Variants in EFCAB6 observed in about 807,000 individuals in gnomAD.
The protein encoded by EFCAB6 is EF-hand calcium-binding domain-containing protein 6.
Under a neutral mutation model 169.8 loss-of-function variants are expected in EFCAB6, and 156 were observed. That is an observed-to-expected ratio of 0.92 (90% CI 0.81 to 1.05). The LOEUF is 1.05. EFCAB6 is among the 50% of genes least tolerant of loss of function. EFCAB6 has a pLI of 0.00. For synonymous variants in EFCAB6, 698 were observed against 676.4 expected, an observed-to-expected ratio of 1.03 and a Z score of -0.50; for missense variants, 1,800 against 1,829.1, an observed-to-expected ratio of 0.98 and a Z score of 0.29.
At chr22:43,673,845 A>T (rs188273765) in intron 13 of EFCAB6, among the ~76,000 whole-genome samples, 89 of 152,178 alleles carry the variant, frequency 5.8e-4, no homozygotes, top group African/African-American at 2.1e-3. Flanking sequence ...CAGTATGTTA[A>T]TAAGTGACAA....
intron 2 of EFCAB6, among the ~76,000 whole-genome samples, chr22:43,793,932 G>C (rs917665250): frequency 4.6e-5 from 7 of 151,972 alleles, no homozygotes; most frequent in African/African-American, 1.7e-4. Context: ...TTTAAAAATG[G>C]ATTTTCAAAG....
chr22:43,563,636 C>G (rs1020145313), intron 26 of EFCAB6, among the ~76,000 whole-genome samples: 2 of 152,258 alleles, frequency 1.3e-5, no homozygotes, highest in African/African-American at 4.8e-5. Context: ...ACACAACCCT[C>G]AAGGCATGTG....
At chr22:43,619,188 G>C (rs1453272385) in intron 20 of EFCAB6, among the ~76,000 whole-genome samples, 1 of 152,210 alleles carries the variant, frequency 6.6e-6, no homozygotes, top group Non-Finnish European at 1.5e-5. Context: ...TTACTGTGTA[G>C]TTAAGACTGA....
chr22:43,598,183 G>A (rs545987452), intron 23 of EFCAB6, among the ~76,000 whole-genome samples: 3 of 151,644 alleles, frequency 2.0e-5, no homozygotes, highest in East Asian at 1.9e-4. Context: ...GGTGTGTACC[G>A]GTAGTCCCAG....
intron 17 of EFCAB6, 117 bp downstream of exon 17, chr22:43,666,987 T>C (rs2054343317): frequency 2.4e-6 from 3 of 1,253,184 alleles, no homozygotes; most frequent in African/African-American, 1.5e-5. Context: ...TGTTGAAAGA[T>C]GCCTAGAAAT....
intron 5 of EFCAB6, among the ~76,000 whole-genome samples, chr22:43,761,099 AAAGGGCT>A (rs1280011115): frequency 6.6e-6 from 1 of 152,184 alleles, no homozygotes; most frequent in Non-Finnish European, 1.5e-5. Context: ...TGCCCTTATA[AAAGGGCT>A]TATAGGAGGG....
At chr22:43,605,105 C>T (rs1036289546) in intron 22 of EFCAB6, among the ~76,000 whole-genome samples, 6 of 152,198 alleles carry the variant, frequency 3.9e-5, no homozygotes, top group East Asian at 3.9e-4. Flanking sequence ...CAACACTGAG[C>T]GACACCCTGT....
rs1211730324 is a variant in EFCAB6, at chr22:43,537,802, C to T, written c.3880-257G>A. Reference sequence around the variant, plus strand: ...GCCATGTAGCCAAGGTTCAAATCTACACAGATGAGATGTAAACATATTTCT... The same window carrying T: ...GCCATGTAGCCAAGGTTCAAATCTATACAGATGAGATGTAAACATATTTCT... On this transcript the variant is annotated intron_variant, in intron 28 of 31. Transcript: ENST00000262726. This position sits in a 1 kb window ranked among gnomAD's most constrained non-coding sequence, Gnocchi z 4.3. 2.0e-5 allele frequency among the ~76,000 whole-genome samples: 3 copies of T among 151,844 alleles called. No individual in the cohort carries two copies. The highest frequency in any genetic ancestry group is 7.3e-5 in the African/African-American group (3 of 41,268).
intron 6 of EFCAB6, among the ~76,000 whole-genome samples, chr22:43,739,117 C>A (rs1026420652): frequency 6.6e-6 from 1 of 152,218 alleles, no homozygotes; most frequent in Non-Finnish European, 1.5e-5. Flanking sequence ...AAGATTATCT[C>A]CAATGTGTCC....
chr22:43,576,390 C>T lies in EFCAB6; in HGVS notation c.3327G>A (p.Gln1109=), dbSNP rs867514300. The change falls in exon 26 of 32, where the codon CAG becomes CAA. Residue 1109 remains glutamine, a synonymous_variant. Coordinates refer to ENST00000262726, the MANE Select transcript of EFCAB6 (RefSeq NM_022785.4). ...TTAGTTTCCTCAAAAAATAATGATACTGATTGTCCGTTAGTTTGTAACAGA... is the reference window on the plus strand; with the variant it reads ...TTAGTTTCCTCAAAAAATAATGATATTGATTGTCCGTTAGTTTGTAACAGA... ...KDFCYKLTDN[Q]YHYFLRKLRI... 12 of 1,604,452 alleles carry T rather than the reference C, an allele frequency of 7.5e-6. No homozygotes were observed. The African/African-American group carries it at 9.4e-5, about 13-fold the overall frequency.
chr22:43,721,301 C>T (rs113750574), intron 8 of EFCAB6, among the ~76,000 whole-genome samples: 12,693 of 152,236 alleles, frequency 0.083, 664 homozygotes, highest in South Asian at 0.17. Context: ...GGCCATACTG[C>T]CCAAAGCAAT....
chr22:43,688,693 C>T (rs1465579242), intron 10 of EFCAB6, among the ~76,000 whole-genome samples: 1 of 152,192 alleles, frequency 6.6e-6, no homozygotes, highest in African/African-American at 2.4e-5. Context: ...GGTCAAAAAG[C>T]CTCGGTTGCA....
At chr22:43,591,153 T>C (rs1440114850) in intron 23 of EFCAB6, among the ~76,000 whole-genome samples, 5 of 150,428 alleles carry the variant, frequency 3.3e-5, no homozygotes, top group African/African-American at 4.9e-5. Context: ...TACCAGGCTT[T>C]TTATTGTTAA....
rs545630378 is a variant in EFCAB6 at position 43,741,645 on chromosome 22, C to T, written c.508-5652G>A. 2.6e-5 allele frequency among the ~76,000 whole-genome samples: 4 copies of T among 152,330 alleles called. 1 individual carries two copies. In the South Asian group the frequency reaches 8.3e-4, roughly 32 times the overall value. On this transcript the variant is annotated intron_variant, in intron 6 of 31. Transcript: ENST00000262726. ...TTTGTTTGCTGCCCTATCTTCAGGGCTCAGAATAGTGCCCAGACGCAGCGG... is the reference window on the plus strand; with the variant it reads ...TTTGTTTGCTGCCCTATCTTCAGGGTTCAGAATAGTGCCCAGACGCAGCGG...
rs770811486 is a variant in EFCAB6, at chr22:43,580,586, T to C, written c.3106A>G (p.Thr1036Ala). The C allele has an allele frequency of 6.2e-7, 1 of 1,614,216 alleles. No individual in the cohort carries two copies. Among genetic ancestry groups the C allele is most frequent in the Non-Finnish European group, 8.5e-7 (1 of 1,180,038 alleles). Residue 1036 changes from threonine to alanine, a missense_variant, in exon 25 of 32, where the codon ACA becomes GCA. Physicochemically the swap from Thr to Ala is moderately conservative, Grantham distance 58. Coordinates refer to ENST00000262726, the MANE Select transcript of EFCAB6 (RefSeq NM_022785.4). ...FLRAVENSKS[T>A]GAQPKEKEES... Reference sequence around the variant, plus strand: ...TCTTTTTCCTTGGGCTGAGCTCCTGTTGACTTGCTGTTCTCCACTGCTCTC... The same window carrying C: ...TCTTTTTCCTTGGGCTGAGCTCCTGCTGACTTGCTGTTCTCCACTGCTCTC...
At chr22:43,539,812 A>C (rs1480830281) in intron 28 of EFCAB6, among the ~76,000 whole-genome samples, 2 of 152,218 alleles carry the variant, frequency 1.3e-5, no homozygotes, top group African/African-American at 4.8e-5. Flanking sequence ...TTCTGCACAG[A>C]GTTGCCGGCA....
chr22:43,547,174 C>T (rs538347443), intron 27 of EFCAB6, among the ~76,000 whole-genome samples: 2 of 152,156 alleles, frequency 1.3e-5, no homozygotes, highest in Non-Finnish European at 2.9e-5. Flanking sequence ...TAGGGAAAAT[C>T]GGAGTTAGGG....
intron 26 of EFCAB6, among the ~76,000 whole-genome samples, chr22:43,556,650 C>T (rs976243845): frequency 2.0e-5 from 3 of 152,172 alleles, no homozygotes; most frequent in Non-Finnish European, 4.4e-5. Flanking sequence ...TGTTTTATGA[C>T]AGAGAAGTCT....
rs1262432817 is a variant in EFCAB6, at chr22:43,667,147, C to T, written c.1940G>A (p.Ser647Asn). 5 of 1,613,972 alleles carry T rather than the reference C, an allele frequency of 3.1e-6. No homozygotes were observed. The highest frequency in any genetic ancestry group is 4.2e-6 in the Non-Finnish European group (5 of 1,180,008). The change falls in exon 17 of 32, where the codon AGC becomes AAC. Residue 647 changes from serine to asparagine, a missense_variant. Coordinates refer to ENST00000262726, the MANE Select transcript of EFCAB6 (RefSeq NM_022785.4). ...GTTAATTTTTCCATTAGGCTCCTTG[C>T]TGAAGTCAAGAAATCGTTTTTTGAA... ...PAFKKRFLDFSKEPNGKINVH... is the reference protein window; with the variant it reads ...PAFKKRFLDFNKEPNGKINVH...
Sources: gnomAD v4.1 joint callset for allele counts (sites outside exome capture counted in the v4.1 genomes callset) on GRCh38, gnomAD v4.1.1 for gene constraint, Gnocchi (gnomAD v3.1) non-coding constraint, MANE v1.5 for transcripts, NCBI Gene and HGNC (gene_info 2026-07-23, HGNC 2026-07-21) for gene names.